Variants in ST18 observed in about 807,000 individuals in gnomAD.
The protein encoded by ST18 is suppression of tumorigenicity 18 protein.
ST18 carries 50 observed loss-of-function variants against 110.0 expected under a neutral mutation model. The observed-to-expected ratio is 0.45, with a 90% CI of 0.36 to 0.58. The LOEUF is 0.58. Among genes scored for constraint, ST18 ranks in the 20% least tolerant of loss-of-function variants. The pLI, the probability that ST18 is intolerant of heterozygous loss-of-function variation, is 0.00. For synonymous variants in ST18, 461 were observed against 452.4 expected, an observed-to-expected ratio of 1.02 and a Z score of -0.24; for missense variants, 1,306 against 1,280.1, an observed-to-expected ratio of 1.02 and a Z score of -0.31.
intron 8 of ST18, among the ~76,000 whole-genome samples, chr8:52,183,381 G>A (rs2070674329): frequency 6.6e-6 from 1 of 152,214 alleles, no homozygotes; most frequent in Non-Finnish European, 1.5e-5. Flanking sequence ...TGAGATGGCA[G>A]TTGAAGACTA....
intron 2 of ST18, among the ~76,000 whole-genome samples, chr8:52,399,512 G>C (rs1357629123): frequency 6.6e-6 from 1 of 150,730 alleles, no homozygotes; most frequent in Non-Finnish European, 1.5e-5. Flanking sequence ...GCTCCTTGAG[G>C]CATATTGTTA....
intron 8 of ST18, among the ~76,000 whole-genome samples, chr8:52,205,144 T>C (rs2079508872): frequency 6.6e-6 from 1 of 150,820 alleles, no homozygotes. Context: ...TGTTGGTTGG[T>C]ATAATCACAG....
At chr8:52,136,488 A>G (rs2052364074) in intron 19 of ST18, 102 bp downstream of exon 19, 5 of 1,159,910 alleles carry the variant, frequency 4.3e-6, no homozygotes, top group East Asian at 5.1e-5. Flanking sequence ...GGCAGGCAGG[A>G]CATACTGCTT....
chr8:52,348,401 C>A (rs1376863556), intron 2 of ST18, among the ~76,000 whole-genome samples: 5 of 152,146 alleles, frequency 3.3e-5, no homozygotes, highest in Non-Finnish European at 7.4e-5. Context: ...CAGACATGCC[C>A]CACCACTGTC....
intron 2 of ST18, among the ~76,000 whole-genome samples, chr8:52,266,524 C>T (rs974835110): frequency 6.7e-6 from 1 of 149,438 alleles, no homozygotes; most frequent in Non-Finnish European, 1.5e-5. Flanking sequence ...GGGGAAGGAT[C>T]GCAGAGTTTC....
rs1254736468 is a variant in ST18 at position 52,409,416 on chromosome 8, T to C, written c.-553A>G. 6.6e-6 allele frequency: 1 copy of C among 152,234 alleles called. No homozygotes were observed. The highest frequency in any genetic ancestry group is 1.5e-5 in the Non-Finnish European group (1 of 68,038). 9.4% of individuals were successfully genotyped at this position (152,234 alleles called of 1,614,324 possible). A position where few individuals can be genotyped will look rare whatever the true frequency, so the allele number is the denominator to read the frequency against. ...GCTCTTATGCTATTTCTCTTAGGAT[T>C]TCTCCACGCTGCCCCATTCAGAAAT... On this transcript the variant is annotated 5_prime_UTR_variant, in exon 2 of 26. Coordinates refer to ENST00000689386, the MANE Select transcript of ST18 (RefSeq NM_001352837.2).
At chr8:52,308,553 ATGTT>A (rs754850354) in intron 2 of ST18, among the ~76,000 whole-genome samples, 11 of 152,214 alleles carry the variant, frequency 7.2e-5, no homozygotes, top group Non-Finnish European at 1.5e-4. Flanking sequence ...GAGGAAAAAA[ATGTT>A]TGATGATTGG....
intron 2 of ST18, among the ~76,000 whole-genome samples, chr8:52,359,713 G>A (rs896442051): frequency 4.6e-5 from 7 of 152,078 alleles, no homozygotes; most frequent in African/African-American, 1.7e-4. Context: ...CACAGACTAT[G>A]TTCATAACTA....
intron 2 of ST18, among the ~76,000 whole-genome samples, chr8:52,250,891 CT>C (rs1246401268): frequency 6.6e-6 from 1 of 152,104 alleles, no homozygotes; most frequent in Non-Finnish European, 1.5e-5. Flanking sequence ...GAAACACCAA[CT>C]TTTCCAACAC....
intron 14 of ST18, among the ~76,000 whole-genome samples, chr8:52,160,744 A>G (rs1180540393): frequency 1.3e-5 from 2 of 152,226 alleles, no homozygotes; most frequent in African/African-American, 2.4e-5. Flanking sequence ...ACTATACCAT[A>G]TTTGAGTTAT....
intron 2 of ST18, among the ~76,000 whole-genome samples, chr8:52,263,016 C>A (rs2094743963): frequency 6.6e-6 from 1 of 152,222 alleles, no homozygotes; most frequent in South Asian, 2.1e-4. Flanking sequence ...TGTGGAGCCA[C>A]CTCGACTGAA....
intron 25 of ST18, among the ~76,000 whole-genome samples, chr8:52,115,220 G>T (rs899333431): frequency 6.6e-6 from 1 of 152,100 alleles, no homozygotes; most frequent in African/African-American, 2.4e-5. Flanking sequence ...TTATCACATT[G>T]CTGCTTCTAT....
At chr8:52,136,308 G>T (rs990839735) in intron 19 of ST18, among the ~76,000 whole-genome samples, 1 of 152,158 alleles carries the variant, frequency 6.6e-6, no homozygotes, top group African/African-American at 2.4e-5. Flanking sequence ...TTAATACATA[G>T]ACTGTGAAAT....
intron 3 of ST18, among the ~76,000 whole-genome samples, chr8:52,225,929 T>C (rs1188211908): frequency 6.6e-6 from 1 of 152,220 alleles, no homozygotes. Context: ...TGACAGAAGA[T>C]TGAAACTGTC....
At chr8:52,375,217 GACAAAACAAA>G (rs977570863) in intron 2 of ST18, among the ~76,000 whole-genome samples, 4 of 151,846 alleles carry the variant, frequency 2.6e-5, no homozygotes, top group African/African-American at 9.7e-5. Flanking sequence ...AAACCAAAAT[GACAAAACAAA>G]ACAAAACAAA....
chr8:52,237,805 T>C (rs1436752622), intron 2 of ST18, among the ~76,000 whole-genome samples: 3 of 152,196 alleles, frequency 2.0e-5, no homozygotes, highest in Non-Finnish European at 4.4e-5. Context: ...CAAAACCATA[T>C]GCCATAGTGT....
intron 2 of ST18, among the ~76,000 whole-genome samples, chr8:52,345,055 A>C (rs1485051289): frequency 6.6e-6 from 1 of 152,206 alleles, no homozygotes; most frequent in African/African-American, 2.4e-5. Context: ...GGCTTTCTCA[A>C]TACATATAAT....
chr8:52,255,816 C>T (rs2094508587), intron 2 of ST18, among the ~76,000 whole-genome samples: 1 of 152,212 alleles, frequency 6.6e-6, no homozygotes, highest in South Asian at 2.1e-4. Flanking sequence ...AAATCTCAGA[C>T]ACTGTTCAAG....
At chr8:52,140,216 A>G (rs2054387918) in intron 17 of ST18, among the ~76,000 whole-genome samples, 1 of 152,222 alleles carries the variant, frequency 6.6e-6, no homozygotes, top group African/African-American at 2.4e-5. Flanking sequence ...ATATCCATCA[A>G]AGCACTCACC....
Sources: gnomAD v4.1 joint callset for allele counts (sites outside exome capture counted in the v4.1 genomes callset) on GRCh38, gnomAD v4.1.1 for gene constraint, MANE v1.5 for transcripts, NCBI Gene and HGNC (gene_info 2026-07-23, HGNC 2026-07-21) for gene names.